Variants in ATE1 observed in about 807,000 individuals in gnomAD.
ATE1 encodes the protein arginyltransferase 1.
A neutral mutation model predicts 70.5 loss-of-function variants in ATE1; 36 were observed. The observed-to-expected ratio is 0.51, with a 90% confidence interval of 0.39 to 0.67. The LOEUF is 0.67. ATE1 is among the 30% of genes least tolerant of loss of function. The probability of loss-of-function intolerance (pLI) is 0.00; values close to 1 mark genes in which losing one functional copy is unlikely to be tolerated. For synonymous variants in ATE1, 232 were observed against 219.3 expected (o/e 1.06, Z -0.51); for missense variants, 593 against 629.5 (o/e 0.94, Z 0.62).
In ATE1 at chr10:121,745,570, C is replaced by CA. The variant is rs532156541; in HGVS notation, c.1379-1713dup. 2.5e-3 allele frequency among the ~76,000 whole-genome samples: 378 copies of CA among 151,984 alleles called. 4 individuals carry two copies. The highest frequency in any genetic ancestry group is 8.5e-3 in the African/African-American group (354 of 41,458). On this transcript the variant is annotated intron_variant, in intron 11 of 11. Coordinates refer to ENST00000224652, the MANE Select transcript of ATE1 (RefSeq NM_001001976.3). ...TCTCTACTAAAAAAAAACCAAAAAA[C>CA]AAAAAAATTAGCCAGGCGTGGTGGC... is the stretch of plus-strand genomic sequence containing the variant.
intron 8 of ATE1, among the ~76,000 whole-genome samples, chr10:121,861,751 A>T (rs916277771): frequency 3.8e-5 from 1 of 26,146 alleles, no homozygotes; most frequent in African/African-American, 4.0e-4. Context: ...AAGTATAATA[A>T]AAAAAAAAAA....
chr10:121,847,797 C>T (rs932847022), intron 8 of ATE1, among the ~76,000 whole-genome samples: 7 of 146,604 alleles, frequency 4.8e-5, no homozygotes, highest in Admixed American at 1.4e-4. Flanking sequence ...ACAGGCCAGG[C>T]GTGGTGGCTC....
intron 10 of ATE1, among the ~76,000 whole-genome samples, chr10:121,833,073 C>G (rs947749035): frequency 6.6e-6 from 1 of 152,184 alleles, no homozygotes; most frequent in Non-Finnish European, 1.5e-5. Context: ...TTCTACATTA[C>G]TCCCATTTAC....
chr10:121,825,326 A>G (rs927386691), intron 10 of ATE1, among the ~76,000 whole-genome samples: 6 of 152,204 alleles, frequency 3.9e-5, no homozygotes, highest in Non-Finnish European at 8.8e-5. Context: ...TGACACACAG[A>G]CAGAAATGTT....
At chr10:121,830,857 A>G (rs1472864930) in intron 10 of ATE1, among the ~76,000 whole-genome samples, 1 of 152,160 alleles carries the variant, frequency 6.6e-6, no homozygotes, top group East Asian at 1.9e-4. Flanking sequence ...TCCCCCTCCC[A>G]AGAAGAAATA....
At chr10:121,876,585 G>A (rs1950055662) in intron 7 of ATE1, among the ~76,000 whole-genome samples, 1 of 152,072 alleles carries the variant, frequency 6.6e-6, no homozygotes. Flanking sequence ...AAACTTTTAA[G>A]TTTGCAATAT....
chr10:121,871,192 C>T (rs748841296), intron 7 of ATE1, among the ~76,000 whole-genome samples: 3 of 152,158 alleles, frequency 2.0e-5, no homozygotes, highest in Non-Finnish European at 2.9e-5. Context: ...TGGTGGCTCA[C>T]GCATGTAATC....
chr10:121,927,782 G>GACCCTAACCCTA lies in ATE1; in HGVS notation c.106+61_106+62insTAGGGTTAGGGT, dbSNP rs1952160892. 4 of 1,504,412 alleles carry GACCCTAACCCTA rather than the reference G, an allele frequency of 2.7e-6. No homozygotes were observed. The South Asian group carries it at 5.0e-5, about 19-fold the overall frequency. 93.2% of individuals were successfully genotyped at this position (1,504,412 alleles called of 1,614,324 possible). A position where few individuals can be genotyped will look rare whatever the true frequency, so the allele number is the denominator to read the frequency against. ...CGGCCCCCTCGCGTCCTCGCTGGGG[G>GACCCTAACCCTA]ACCCTGGGATCCCGAGACCCGGGCG... On this transcript the variant is annotated intron_variant, in intron 1 of 11. Coordinates refer to ENST00000224652, the MANE Select transcript of ATE1 (RefSeq NM_001001976.3).
At position 121,749,672 on chromosome 10, in the gene ATE1, T is replaced by G. The variant is rs564411446; in HGVS notation, c.1379-5814A>C. Reference sequence around the variant, plus strand: ...TTAGTCATCAAAGTAATGCCTGTTGTAAAATTCAAGTAACATAGAAATAAA... The same window carrying G: ...TTAGTCATCAAAGTAATGCCTGTTGGAAAATTCAAGTAACATAGAAATAAA... On this transcript the variant is annotated intron_variant, in intron 11 of 11. Coordinates refer to ENST00000224652, the MANE Select transcript of ATE1 (RefSeq NM_001001976.3). 1.7e-3 allele frequency among the ~76,000 whole-genome samples: 259 copies of G among 152,328 alleles called. 1 individual carries two copies. Among genetic ancestry groups the G allele is most frequent in the Non-Finnish European group, 3.2e-3 (219 of 68,022 alleles).
intron 11 of ATE1, among the ~76,000 whole-genome samples, chr10:121,789,528 A>G (rs533182429): frequency 6.6e-6 from 1 of 151,888 alleles, no homozygotes; most frequent in East Asian, 1.9e-4. Flanking sequence ...CGAACTCCTG[A>G]CCTCACGTGA....
intron 10 of ATE1, among the ~76,000 whole-genome samples, chr10:121,800,973 T>C (rs374474557): frequency 9.8e-5 from 15 of 152,320 alleles, no homozygotes; most frequent in Middle Eastern, 3.4e-3. Context: ...TAAACAGAGA[T>C]TGACTTTATC....
intron 8 of ATE1, among the ~76,000 whole-genome samples, chr10:121,866,215 T>C (rs1217273606): frequency 6.6e-6 from 1 of 152,172 alleles, no homozygotes; most frequent in Non-Finnish European, 1.5e-5. Context: ...GGTGGAGACT[T>C]AGGGGTAGCT....
At chr10:121,925,552 G>C (rs553100376) in intron 1 of ATE1, among the ~76,000 whole-genome samples, 4 of 152,016 alleles carry the variant, frequency 2.6e-5, no homozygotes, top group Admixed American at 6.6e-5. Flanking sequence ...AAAAAACGAA[G>C]ACTATGAGGA....
chr10:121,867,819 A>T (rs552448848), intron 8 of ATE1, among the ~76,000 whole-genome samples: 1 of 152,294 alleles, frequency 6.6e-6, no homozygotes, highest in South Asian at 2.1e-4. Flanking sequence ...TATACTCCGA[A>T]CACATATTCT....
intron 8 of ATE1, among the ~76,000 whole-genome samples, chr10:121,842,152 A>G (rs1948654702): frequency 6.6e-6 from 1 of 152,154 alleles, no homozygotes; most frequent in Non-Finnish European, 1.5e-5. Context: ...GTCAAAGGAA[A>G]ACAAAGTTAT....
chr10:121,830,145 T>G (rs1329535874), intron 10 of ATE1, among the ~76,000 whole-genome samples: 1 of 152,234 alleles, frequency 6.6e-6, no homozygotes, highest in Non-Finnish European at 1.5e-5. Flanking sequence ...GGTTCTCATG[T>G]GCAAGTATAA....
intron 10 of ATE1, among the ~76,000 whole-genome samples, chr10:121,791,463 A>G (rs1422597614): frequency 6.6e-6 from 1 of 152,088 alleles, no homozygotes; most frequent in Middle Eastern, 3.2e-3. Context: ...GATGCTAAAG[A>G]AAAAAAATCA....
In ATE1 at chr10:121,911,204, A is replaced by G. The variant is rs527797929; in HGVS notation, c.338-53T>C. 2.6e-5 allele frequency: 41 copies of G among 1,569,786 alleles called. No homozygotes were observed. The South Asian group carries it at 4.7e-4, about 18-fold the overall frequency. ...ATCAGCTGGGTTATTTGATACAGTT[A>G]GGTAAATACAGAAATACAATGTTCC... On this transcript the variant is annotated intron_variant, in intron 4 of 11. Transcript: ENST00000224652.
At chr10:121,882,540 T>C (rs573119568) in intron 7 of ATE1, among the ~76,000 whole-genome samples, 10 of 152,370 alleles carry the variant, frequency 6.6e-5, no homozygotes, top group East Asian at 1.9e-4. Context: ...AATTGGGAAC[T>C]TGCTGAAAGC....
Sources: allele counts gnomAD v4.1 joint callset (sites outside exome capture counted in the v4.1 genomes callset), GRCh38; gene constraint gnomAD v4.1.1; transcripts MANE v1.5; gene names NCBI Gene and HGNC (gene_info 2026-07-23, HGNC 2026-07-21).